The following ZC2HC1A variants were observed in gnomAD, a reference collection of about 807,000 sequenced individuals.
ZC2HC1A encodes the protein zinc finger C2HC-type containing 1A, also known as zinc finger C2HC domain-containing protein 1A.
A neutral mutation model predicts 40.7 loss-of-function variants in ZC2HC1A; 28 were observed. The observed-to-expected ratio is 0.69, with a 90% CI of 0.51 to 0.94. The LOEUF is 0.94. Ranked by LOEUF, ZC2HC1A falls within the 40% of genes least tolerant of loss-of-function variation. The pLI is 0.00. For synonymous variants in ZC2HC1A, 129 were observed against 129.2 expected, an observed-to-expected ratio of 1.00 and a Z score of 0.01; for missense variants, 389 against 386.3, an observed-to-expected ratio of 1.01 and a Z score of -0.06.
At chr8:78,696,702 G>T (rs891498529) in intron 5 of ZC2HC1A, among the ~76,000 whole-genome samples, 1 of 152,170 alleles carries the variant, frequency 6.6e-6, no homozygotes, top group African/African-American at 2.4e-5. Context: ...GGTGAGGATC[G>T]TGAAGCCAGA....
At chr8:78,673,551 A>G (rs1018559018) in intron 1 of ZC2HC1A, among the ~76,000 whole-genome samples, 9 of 152,110 alleles carry the variant, frequency 5.9e-5, no homozygotes, top group African/African-American at 1.9e-4. Context: ...AAGTGTTCCT[A>G]TTTCTCCACA....
At position 78,717,533 on chromosome 8, in the gene ZC2HC1A, T is replaced by G; in HGVS notation, c.*40T>G. 6.5e-7 allele frequency: 1 copy of G among 1,544,184 alleles called. No homozygotes were observed. Among genetic ancestry groups the G allele is most frequent in the Non-Finnish European group, 8.7e-7 (1 of 1,153,352 alleles). Reference sequence around the variant, plus strand: ...AAAAAAAAAAGCCAAGTTCAGAGTTTATGATTATTGCTGCTTGGACAGCTA... The same window carrying G: ...AAAAAAAAAAGCCAAGTTCAGAGTTGATGATTATTGCTGCTTGGACAGCTA... On this transcript the variant is annotated 3_prime_UTR_variant, in exon 9 of 9. Coordinates refer to ENST00000263849, the MANE Select transcript of ZC2HC1A (RefSeq NM_016010.3).
rs755939375 is a variant in ZC2HC1A at position 78,698,428 on chromosome 8, A to C, written c.619A>C (p.Lys207Gln). 1.9e-6 allele frequency: 3 copies of C among 1,612,344 alleles called. No homozygotes were observed. Among genetic ancestry groups the C allele is most frequent in the Admixed American group, 3.3e-5 (2 of 59,764 alleles). The change falls in exon 7 of 9, where the codon AAA becomes CAA. Residue 207 changes from lysine to glutamine, a missense_variant. By Grantham distance (53) the Lys-to-Gln change is moderately conservative. Coordinates refer to ENST00000263849, the MANE Select transcript of ZC2HC1A (RefSeq NM_016010.3). Reference protein sequence around the residue: ...GKTVVGVPSGKVSSSSSSLGN... With the variant: ...GKTVVGVPSGQVSSSSSSLGN... ...TTTATTATAAGGTGTTCCTTCAGGT[A>C]AAGTGTCTTCAAGTAGCAGCTCTTT...
intron 1 of ZC2HC1A, among the ~76,000 whole-genome samples, chr8:78,671,028 C>T (rs1031138112): frequency 3.9e-5 from 6 of 152,060 alleles, no homozygotes; most frequent in Non-Finnish European, 7.4e-5. Flanking sequence ...GTCAAATGAA[C>T]GGTGATAGAA....
At chr8:78,692,540 CA>C (rs1273879117) in intron 5 of ZC2HC1A, among the ~76,000 whole-genome samples, 3 of 152,054 alleles carry the variant, frequency 2.0e-5, no homozygotes, top group African/African-American at 7.2e-5. Flanking sequence ...TGTTCTTTTG[CA>C]AAGTGTTTTT....
intron 2 of ZC2HC1A, among the ~76,000 whole-genome samples, chr8:78,677,314 AAACTGAAT>A (rs981889536): frequency 6.6e-6 from 1 of 152,066 alleles, no homozygotes; most frequent in African/African-American, 2.4e-5. Context: ...TAATGTCCCT[AAACTGAAT>A]AACTGAATAA....
intron 5 of ZC2HC1A, among the ~76,000 whole-genome samples, chr8:78,692,266 C>G (rs1586003738): frequency 6.6e-6 from 1 of 152,280 alleles, no homozygotes; most frequent in East Asian, 1.9e-4. Context: ...GTTTTAGATT[C>G]TACATGTAAG....
chr8:78,667,893 G>A (rs992609804), intron 1 of ZC2HC1A, among the ~76,000 whole-genome samples: 1 of 151,768 alleles, frequency 6.6e-6, no homozygotes, highest in African/African-American at 2.4e-5. Context: ...CATATTTTAT[G>A]GGTCCAGCTT....
At chr8:78,709,928 T>A (rs188074761) in intron 7 of ZC2HC1A, among the ~76,000 whole-genome samples, 3 of 152,238 alleles carry the variant, frequency 2.0e-5, no homozygotes, top group Admixed American at 2.0e-4. Context: ...ATCATCTTTT[T>A]GTTATATCTC....
chr8:78,716,931 C>T (rs1811125619), intron 8 of ZC2HC1A, among the ~76,000 whole-genome samples: 1 of 152,086 alleles, frequency 6.6e-6, no homozygotes, highest in African/African-American at 2.4e-5. Flanking sequence ...GACATGCTTG[C>T]TTCCCCTTTG....
chr8:78,715,177 C>T (rs935436948), intron 7 of ZC2HC1A, 44 bp from the exon 8 acceptor site: 3 of 1,539,478 alleles, frequency 1.9e-6, no homozygotes. Flanking sequence ...GAAATACATG[C>T]TCACTGTTCA....
intron 1 of ZC2HC1A, among the ~76,000 whole-genome samples, chr8:78,672,410 C>T (rs528277224): frequency 1.3e-5 from 2 of 151,996 alleles, no homozygotes; most frequent in East Asian, 1.9e-4. Context: ...ATAATACATG[C>T]GGTTTGCATA....
Position 78,717,327 on chromosome 8 carries a change from G to T in ZC2HC1A, c.813-1G>T, listed in dbSNP as rs1811138038. The T allele has an allele frequency of 6.3e-7, 1 of 1,599,110 alleles. No homozygotes were observed. Among genetic ancestry groups the T allele is most frequent in the African/African-American group, 1.4e-5 (1 of 73,704 alleles). ...TTTTCATTGTTTCTTTACTTTTTTA[G>T]GCCAGATGGGGACTGTGCATCTTCC... On this transcript the variant is annotated splice_acceptor_variant, in intron 8 of 8. Coordinates refer to ENST00000263849, the MANE Select transcript of ZC2HC1A (RefSeq NM_016010.3). LOFTEE classifies it high-confidence loss of function.
intron 5 of ZC2HC1A, among the ~76,000 whole-genome samples, chr8:78,693,433 G>T (rs1463898349): frequency 6.6e-6 from 1 of 152,190 alleles, no homozygotes; most frequent in Non-Finnish European, 1.5e-5. Flanking sequence ...TCTAACTGGT[G>T]TGAGATGGTA....
chr8:78,673,953 T>A (rs1440554431), intron 1 of ZC2HC1A, among the ~76,000 whole-genome samples: 1 of 152,142 alleles, frequency 6.6e-6, no homozygotes, highest in Non-Finnish European at 1.5e-5. Context: ...GATAATAATT[T>A]TCGTTTTTTA....
chr8:78,676,843 A>G (rs534469662), intron 2 of ZC2HC1A, among the ~76,000 whole-genome samples: 1 of 152,058 alleles, frequency 6.6e-6, no homozygotes, highest in East Asian at 1.9e-4. Flanking sequence ...TTTGGCTCTC[A>G]TTTATGTGGT....
intron 1 of ZC2HC1A, among the ~76,000 whole-genome samples, chr8:78,670,721 G>A (rs887891383): frequency 6.6e-6 from 1 of 152,164 alleles, no homozygotes; most frequent in Non-Finnish European, 1.5e-5. Context: ...GAATTCTATG[G>A]TTAAAGAGGA....
chr8:78,689,264 A>G lies in ZC2HC1A; in HGVS notation c.395A>G (p.Asn132Ser), dbSNP rs1810128110. The G allele has an allele frequency of 6.3e-7, 1 of 1,593,108 alleles. No individual in the cohort carries two copies. Among genetic ancestry groups the G allele is most frequent in the Non-Finnish European group, 8.5e-7 (1 of 1,169,908 alleles). ...CPYCQRRFNE[N>S]AADRHINFCK... The stretch of plus-strand genomic sequence containing the variant: ...TATTGTCAGAGGAGATTCAATGAAA[A>G]TGCAGCTGATAGACATATAAATTTC... Residue 132 changes from asparagine to serine, a missense_variant, in exon 5 of 9, where the codon AAT becomes AGT. Coordinates refer to ENST00000263849, the MANE Select transcript of ZC2HC1A (RefSeq NM_016010.3).
At chr8:78,680,558 T>C (rs1348302671) in intron 3 of ZC2HC1A, among the ~76,000 whole-genome samples, 2 of 152,200 alleles carry the variant, frequency 1.3e-5, no homozygotes, top group Non-Finnish European at 2.9e-5. Flanking sequence ...GTTCTTAATA[T>C]ATTTACCTGT....
Sources: gnomAD v4.1 joint callset for allele counts (sites outside exome capture counted in the v4.1 genomes callset) on GRCh38, gnomAD v4.1.1 for gene constraint, MANE v1.5 for transcripts, NCBI Gene and HGNC (gene_info 2026-07-23, HGNC 2026-07-21) for gene names.